The following NCK2 variants were observed in gnomAD, a reference collection of about 807,000 sequenced individuals.
The protein encoded by NCK2 is NCK adaptor protein 2, also known as cytoplasmic protein NCK2.
NCK2 carries 16 observed loss-of-function variants against 33.9 expected under a neutral mutation model. The ratio of observed to expected loss-of-function variants is 0.47; its 90% CI spans 0.32 to 0.72. The LOEUF is 0.72. Among genes scored for constraint, NCK2 ranks in the 30% least tolerant of loss-of-function variants. NCK2 has a pLI of 0.03. For synonymous variants in NCK2, 273 were observed against 239.9 expected (o/e 1.14, Z -1.27); for missense variants, 418 against 537.3 (o/e 0.78, Z 2.19).
intron 1 of NCK2, among the ~76,000 whole-genome samples, chr2:105,760,556 A>G (rs1415965822): frequency 6.6e-6 from 1 of 152,148 alleles, no homozygotes; most frequent in Non-Finnish European, 1.5e-5. Flanking sequence ...CTCCCCGTGT[A>G]ACCACTTCTC....
At chr2:105,750,601 G>A (rs368419113) in intron 1 of NCK2, among the ~76,000 whole-genome samples, 5 of 152,270 alleles carry the variant, frequency 3.3e-5, no homozygotes, top group African/African-American at 1.2e-4. Context: ...TTTATATATT[G>A]GTTGTAGCAC....
chr2:105,844,766 A>ATATATATG (rs1193124239), intron 2 of NCK2, among the ~76,000 whole-genome samples: 1 of 132,728 alleles, frequency 7.5e-6, no homozygotes, highest in African/African-American at 2.6e-5. Context: ...ATATATATAT[A>ATATATATG]TATGTATGTA....
chr2:105,859,359 G>C (rs1677424010), intron 3 of NCK2, among the ~76,000 whole-genome samples: 1 of 152,160 alleles, frequency 6.6e-6, no homozygotes, highest in South Asian at 2.1e-4. Context: ...TTTGTTCACA[G>C]GCCCACCTGC....
intron 3 of NCK2, among the ~76,000 whole-genome samples, chr2:105,862,711 T>C (rs1677587621): frequency 6.6e-6 from 1 of 152,240 alleles, no homozygotes; most frequent in African/African-American, 2.4e-5. Context: ...AATGCCCTTA[T>C]TTGTGGAAAT....
rs1678384409 is a variant in NCK2, at chr2:105,879,578, G to A, written c.227-1750G>A. 2.6e-5 allele frequency among the ~76,000 whole-genome samples: 4 copies of A among 152,266 alleles called. No individual in the cohort carries two copies. In the South Asian group the frequency reaches 8.3e-4, roughly 31 times the overall value. On this transcript the variant is annotated intron_variant, in intron 3 of 4. Transcript: ENST00000233154. ...TGTTTCCCATGCACATGCATAAAAT[G>A]TGGTACAAAGAGAAACGGCAGAGGC...
intron 3 of NCK2, among the ~76,000 whole-genome samples, chr2:105,864,183 T>G (rs997759885): frequency 1.3e-5 from 2 of 151,324 alleles, no homozygotes; most frequent in African/African-American, 4.9e-5. Flanking sequence ...AAGGGGGAGA[T>G]GAGTGCTGGG....
chr2:105,850,430 G>A (rs1284161584), intron 2 of NCK2, among the ~76,000 whole-genome samples: 1 of 152,172 alleles, frequency 6.6e-6, no homozygotes, highest in Non-Finnish European at 1.5e-5. Flanking sequence ...TCCCATCCAA[G>A]ACTTGAAAAG....
chr2:105,773,825 G>GTGGTGTGGACTGTTGTCTT (rs1690214056), intron 1 of NCK2, among the ~76,000 whole-genome samples: 1 of 152,170 alleles, frequency 6.6e-6, no homozygotes, highest in East Asian at 1.9e-4. Context: ...AGAATCGGTA[G>GTGGTGTGGACTGTTGTCTT]TGGTGTGGAC....
chr2:105,822,324 C>T (rs1375100579), intron 2 of NCK2, among the ~76,000 whole-genome samples: 1 of 150,302 alleles, frequency 6.7e-6, no homozygotes, highest in East Asian at 1.9e-4. Context: ...TCCAGCTCCA[C>T]CCATGGAGGC....
At chr2:105,881,271 G>C (rs1011891879) in intron 3 of NCK2, 57 bp from the exon 4 acceptor site, 21 of 1,528,232 alleles carry the variant, frequency 1.4e-5, no homozygotes, top group Non-Finnish European at 1.8e-5. Context: ...CGGTAGGCTA[G>C]GGAGTGTGGT....
intron 1 of NCK2, among the ~76,000 whole-genome samples, chr2:105,814,696 AACCTTT>A (rs1306964521): frequency 6.6e-6 from 1 of 152,150 alleles, no homozygotes; most frequent in African/African-American, 2.4e-5. Context: ...GGTTGGGAAA[AACCTTT>A]AGTGTCACTG....
At chr2:105,879,787 T>C (rs1044769487) in intron 3 of NCK2, among the ~76,000 whole-genome samples, 1 of 152,224 alleles carries the variant, frequency 6.6e-6, no homozygotes, top group Non-Finnish European at 1.5e-5. Flanking sequence ...AGCAAGGCCA[T>C]AGAAGCACAA....
intron 2 of NCK2, among the ~76,000 whole-genome samples, chr2:105,841,897 A>G (rs1175115932): frequency 6.6e-6 from 1 of 152,166 alleles, no homozygotes; most frequent in African/African-American, 2.4e-5. Context: ...GACCCTTCAG[A>G]GAGGGGAAGG....
intron 4 of NCK2, among the ~76,000 whole-genome samples, chr2:105,883,232 C>T (rs1678581041): frequency 6.6e-6 from 1 of 152,210 alleles, no homozygotes; most frequent in Admixed American, 6.5e-5. Context: ...CCTGGCAAGA[C>T]ATCACATTGA....
intron 2 of NCK2, among the ~76,000 whole-genome samples, chr2:105,833,197 C>T (rs1048921930): frequency 1.3e-5 from 2 of 151,892 alleles, no homozygotes; most frequent in African/African-American, 4.8e-5. Flanking sequence ...CGGATTCAAA[C>T]GATTTTCCTG....
chr2:105,889,566 C>A (rs750565855), intron 4 of NCK2, among the ~76,000 whole-genome samples: 43 of 132,864 alleles, frequency 3.2e-4, no homozygotes, highest in Admixed American at 6.1e-4. Context: ...TGAGAATTTG[C>A]ATTTCTTTTT....
intron 3 of NCK2, among the ~76,000 whole-genome samples, chr2:105,870,918 C>T (rs1677972291): frequency 6.6e-6 from 1 of 151,850 alleles, no homozygotes; most frequent in African/African-American, 2.4e-5. Flanking sequence ...TGTGTGAGTG[C>T]CCAGCACATC....
At chr2:105,786,262 A>G (rs752075505) in intron 1 of NCK2, among the ~76,000 whole-genome samples, 2 of 152,282 alleles carry the variant, frequency 1.3e-5, no homozygotes, top group Non-Finnish European at 2.9e-5. Context: ...TTTTGAATCT[A>G]TGTAATAACC....
In NCK2 at chr2:105,855,379, A is replaced by AAG. The variant is rs1340491689; in HGVS notation, c.226+91_226+92insGA. The AAG allele has an allele frequency of 6.5e-6, 7 of 1,076,526 alleles. No individual in the cohort carries two copies. The African/African-American group carries it at 1.1e-4, about 17-fold the overall frequency. The allele number at this position is 1,076,526 out of a possible 1,614,324, so 66.7% of individuals were successfully genotyped here. On this transcript the variant is annotated intron_variant, in intron 3 of 4. Coordinates refer to ENST00000233154, the MANE Select transcript of NCK2 (RefSeq NM_003581.5). ...GTTAGTTTGCTGTTTCAAAAAAAAA[A>AAG]AAGTCTGTTTTAAAAGTTAATATCT... is the stretch of plus-strand genomic sequence containing the variant.
Sources: allele counts gnomAD v4.1 joint callset (sites outside exome capture counted in the v4.1 genomes callset), GRCh38; gene constraint gnomAD v4.1.1; transcripts MANE v1.5; gene names NCBI Gene and HGNC (gene_info 2026-07-23, HGNC 2026-07-21).